RAD51D: variants seen among roughly 807,000 people sequenced by gnomAD.
RAD51D encodes the protein DNA repair protein RAD51 homolog 4.
RAD51D carries 38 observed loss-of-function variants against 44.1 expected under a neutral mutation model. The ratio of observed to expected loss-of-function variants is 0.86; its 90% confidence interval spans 0.67 to 1.13. The LOEUF (loss-of-function observed/expected upper bound fraction) is 1.13, where lower values mean the gene tolerates loss of function less well. RAD51D is among the 50% of genes most tolerant of loss of function. The probability of loss-of-function intolerance (pLI) is 0.00; values close to 1 mark genes in which losing one functional copy is unlikely to be tolerated. For synonymous variants in RAD51D, 141 were observed against 166.6 expected (o/e 0.85, Z 1.18); for missense variants, 390 against 414.0 (o/e 0.94, Z 0.50).
intron 2 of RAD51D, 98 bp downstream of exon 2, chr17:35,119,013 G>C (rs2091785954): frequency 8.4e-7 from 1 of 1,194,976 alleles, no homozygotes; most frequent in African/African-American, 1.5e-5. Flanking sequence ...GCCTCCCAAA[G>C]TGCTGGGATT....
At chr17:35,117,061 A>G in intron 3 of RAD51D, 1 of 1,594,060 alleles carries the variant, frequency 6.3e-7, no homozygotes, top group East Asian at 2.2e-5. Flanking sequence ...AAACTCCCTA[A>G]GCCCAAGGCC....
In RAD51D at chr17:35,103,881, C is replaced by T. The variant is rs2375911; in HGVS notation, c.577-337G>A. ...TCACTTGAGGTCAGGAGTTCGAGACCAGCCTGGCCAACATGGTGAAACCCC... is the reference window on the plus strand; with the variant it reads ...TCACTTGAGGTCAGGAGTTCGAGACTAGCCTGGCCAACATGGTGAAACCCC... On this transcript the variant is annotated intron_variant, in intron 6 of 9. Coordinates refer to ENST00000345365, the MANE Select transcript of RAD51D (RefSeq NM_002878.4). The surrounding 1 kb of genome is among the most constrained non-coding windows in gnomAD (Gnocchi z 4.1). 0.31 allele frequency among the ~76,000 whole-genome samples: 47,376 copies of T among 152,010 alleles called. 8,083 individuals carry two copies. Among genetic ancestry groups the T allele is most frequent in the East Asian group, 0.48 (2,485 of 5,130 alleles).
chr17:35,116,558 G>A (rs1432205809), intron 3 of RAD51D, among the ~76,000 whole-genome samples: 2 of 152,070 alleles, frequency 1.3e-5, no homozygotes, highest in South Asian at 2.1e-4. Context: ...GCAGTGGTGC[G>A]ATCTCCGCTC....
intron 1 of RAD51D, 171 bp downstream of exon 1, chr17:35,119,354 CCCTGTTT>C: frequency 1.1e-6 from 1 of 911,664 alleles, no homozygotes; most frequent in African/African-American, 1.6e-5. Flanking sequence ...GGAATCTCTA[CCCTGTTT>C]TAGAGCTTGG....
In RAD51D at chr17:35,095,095, T is replaced by C. The variant is rs2091479024; in HGVS notation, c.*5858A>G. ...AGTCCCTTTTTCTTGCCAGTTACTG[T>C]ATTACACATGGGTGTATGAAGCAAT... On this transcript the variant is annotated 3_prime_UTR_variant, in exon 10 of 10. Transcript: ENST00000345365. 1 of 152,250 alleles carries C rather than the reference T, an allele frequency of 6.6e-6. No individual in the cohort carries two copies. Among genetic ancestry groups the C allele is most frequent in the African/African-American group, 2.4e-5 (1 of 41,450 alleles). The allele number at this position is 152,250 out of a possible 1,614,324, so 9.4% of individuals were successfully genotyped here.
chr17:35,106,007 T>C (rs2091598231), intron 6 of RAD51D: 1 of 435,366 alleles, frequency 2.3e-6, no homozygotes, highest in East Asian at 6.9e-5. Context: ...CACAAATCTA[T>C]TGCCCTGATA....
In RAD51D at chr17:35,103,284, G is replaced by A. The variant is rs1393289643; in HGVS notation, c.708C>T (p.Thr236=). The A allele has an allele frequency of 6.2e-7, 1 of 1,611,684 alleles. No homozygotes were observed. The highest frequency in any genetic ancestry group is 1.1e-5 in the South Asian group (1 of 90,400). The part of the protein sequence containing the change: ...LMMQLARELK[T]LARDLGMAVV... Reference sequence around the variant, plus strand: ...CTGCCATGCCAAGGTCCCGGGCCAGGGTCTTCAGCTCTCGGGCCAGCTGCA... The same window carrying A: ...CTGCCATGCCAAGGTCCCGGGCCAGAGTCTTCAGCTCTCGGGCCAGCTGCA... Residue 236 remains threonine, a synonymous_variant, in exon 8 of 10, where the codon ACC becomes ACT. Coordinates refer to ENST00000345365, the MANE Select transcript of RAD51D (RefSeq NM_002878.4). This position sits in a 1 kb window ranked among gnomAD's most constrained non-coding sequence, Gnocchi z 4.1.
rs2142417802 is a variant in RAD51D at position 35,103,234 on chromosome 17, G to A, written c.738+20C>T. 1 of 1,598,686 alleles carries A rather than the reference G, an allele frequency of 6.3e-7. No individual in the cohort carries two copies. Among genetic ancestry groups the A allele is most frequent in the Non-Finnish European group, 8.5e-7 (1 of 1,172,844 alleles). Reference sequence around the variant, plus strand: ...GCAATAACTAGAAATCAAGTTCATTGGCCAAGCCTGCTTCCTCACCACCAC... The same window carrying A: ...GCAATAACTAGAAATCAAGTTCATTAGCCAAGCCTGCTTCCTCACCACCAC... On this transcript the variant is annotated intron_variant, in intron 8 of 9. Transcript: ENST00000345365. The surrounding 1 kb of genome is among the most constrained non-coding windows in gnomAD (Gnocchi z 4.1).
chr17:35,113,409 T>A, intron 3 of RAD51D: 1 of 224,014 alleles, frequency 4.5e-6, no homozygotes, highest in Non-Finnish European at 9.4e-6. Flanking sequence ...GCTGGGATTA[T>A]AGGCACCCAC....
At chr17:35,113,426 G>A (rs1312165833) in intron 3 of RAD51D, 6 of 234,854 alleles carry the variant, frequency 2.6e-5, no homozygotes, top group South Asian at 1.1e-4. Context: ...CCACCACCAC[G>A]CCTGGCTAAT....
intron 3 of RAD51D, among the ~76,000 whole-genome samples, chr17:35,107,965 G>A (rs2091629672): frequency 6.6e-6 from 1 of 151,550 alleles, no homozygotes; most frequent in South Asian, 2.1e-4. Flanking sequence ...GGCCAGCCTG[G>A]TCTCAAACTC....
At chr17:35,119,074 G>A (rs779425625) in intron 2 of RAD51D, 37 bp downstream of exon 2, 2 of 1,589,854 alleles carry the variant, frequency 1.3e-6, no homozygotes, top group South Asian at 1.1e-5. Flanking sequence ...TTTTTAAAAA[G>A]ACACTCAGGT....
At chr17:35,115,771 G>A (rs2091728953) in intron 3 of RAD51D, among the ~76,000 whole-genome samples, 1 of 151,874 alleles carries the variant, frequency 6.6e-6, no homozygotes, top group Admixed American at 6.6e-5. Flanking sequence ...TCGGGAGGCT[G>A]AGTCAGGAGA....
chr17:35,117,748 C>A (rs28363261), intron 3 of RAD51D, among the ~76,000 whole-genome samples: 14 of 152,270 alleles, frequency 9.2e-5, no homozygotes, highest in Admixed American at 9.2e-4. Flanking sequence ...AGTGATCTGC[C>A]GCCTCAGCCT....
Position 35,111,392 on chromosome 17 carries a change from A to G in RAD51D, c.264-3945T>C, listed in dbSNP as rs865808711. Among the ~76,000 whole-genome samples the G allele has an allele frequency of 4.7e-5, 6 of 126,700 alleles. No homozygotes were observed. In the South Asian group the frequency reaches 1.4e-3, roughly 30 times the overall value. 83.1% of individuals were successfully genotyped at this position (126,700 alleles called of 152,430 possible). A position where few individuals can be genotyped will look rare whatever the true frequency, so the allele number is the denominator to read the frequency against. On this transcript the variant is annotated intron_variant, in intron 3 of 9. Transcript: ENST00000345365. ...AAGAGAGAGAGAGAAACTCCGTCTA[A>G]AAAAAAAAAAATACAAATACAAATA...
rs1385487470 is a variant in RAD51D, at chr17:35,100,076, CTGTCTGTTTATGGGCAAGGCCA to C, written c.*855_*876del. 1 of 532,968 alleles carries C rather than the reference CTGTCTGTTTATGGGCAAGGCCA, an allele frequency of 1.9e-6. No homozygotes were observed. Among genetic ancestry groups the C allele is most frequent in the Non-Finnish European group, 3.6e-6 (1 of 275,686 alleles). The allele number at this position is 532,968 out of a possible 1,614,324, so 33.0% of individuals were successfully genotyped here. A position where few individuals can be genotyped will look rare whatever the true frequency, so the allele number is the denominator to read the frequency against. On this transcript the variant is annotated 3_prime_UTR_variant, in exon 10 of 10. Coordinates refer to ENST00000345365, the MANE Select transcript of RAD51D (RefSeq NM_002878.4). ...CTCTATTTACTGTGCAAATTCTCCT[CTGTCTGTTTATGGGCAAGGCCA>C]TGGTTCAGCACCTCTGGTTATGCTG... is the stretch of plus-strand genomic sequence containing the variant.
rs370228071 is a variant in RAD51D at position 35,103,501 on chromosome 17, G to A, written c.620C>T (p.Ser207Leu). The A allele has an allele frequency of 2.1e-5, 34 of 1,614,032 alleles. No homozygotes were observed. Among genetic ancestry groups the A allele is most frequent in the Middle Eastern group, 1.6e-4 (1 of 6,084 alleles). Residue 207 changes from serine to leucine, a missense_variant, in exon 7 of 10, where the codon TCG becomes TTG. Coordinates refer to ENST00000345365, the MANE Select transcript of RAD51D (RefSeq NM_002878.4). The surrounding 1 kb of genome is among the most constrained non-coding windows in gnomAD (Gnocchi z 4.1). ...AAGTGGGGAAACCACCGCAGTGACC[G>A]AGTCCACAACCACCACCTTCACAGT... ...SGTVKVVVVD[S>L]VTAVVSPLLG...
intron 8 of RAD51D, among the ~76,000 whole-genome samples, chr17:35,102,236 G>A (rs946709657): frequency 2.0e-5 from 3 of 151,554 alleles, no homozygotes; most frequent in African/African-American, 7.3e-5. Flanking sequence ...GGAGTGCAGT[G>A]GCATGATCAC....
chr17:35,113,994 T>G (rs1424029509), intron 3 of RAD51D, among the ~76,000 whole-genome samples: 1 of 152,088 alleles, frequency 6.6e-6, no homozygotes, highest in African/African-American at 2.4e-5. Flanking sequence ...GGGAGTTGGC[T>G]GGACGCAGTG....
Sources: gnomAD v4.1 joint callset for allele counts (sites outside exome capture counted in the v4.1 genomes callset) on GRCh38, gnomAD v4.1.1 for gene constraint, Gnocchi (gnomAD v3.1) non-coding constraint, MANE v1.5 for transcripts, NCBI Gene and HGNC (gene_info 2026-07-23, HGNC 2026-07-21) for gene names.